BORCS6: variants seen among roughly 807,000 people sequenced by gnomAD.
The protein encoded by BORCS6 is BLOC-1 related complex subunit 6, also known as BLOC-1-related complex subunit 6.
A neutral mutation model predicts 17.0 loss-of-function variants in BORCS6; 12 were observed. That is an observed-to-expected ratio of 0.71 (90% CI 0.45 to 1.15). BORCS6 has a LOEUF of 1.15. Ranked by LOEUF, BORCS6 falls within the 50% of genes most tolerant of loss-of-function variation. The pLI is 0.00. For missense variants in BORCS6, 513 were observed against 515.0 expected (o/e 1.00, Z 0.04); for synonymous variants, 262 against 241.7 (o/e 1.08, Z -0.78).
Position 8,189,352 on chromosome 17 carries a change from A to G in BORCS6, c.789T>C (p.Asp263=). The change falls in exon 1 of 1, where the codon GAT becomes GAC. Residue 263 remains aspartate (D), a synonymous_variant. Coordinates refer to ENST00000389017, the MANE Select transcript of BORCS6 (RefSeq NM_017622.3). The surrounding 1 kb of genome is among the most constrained non-coding windows in gnomAD (Gnocchi z 7.8). ...IPPIDPEVLR[D]LERLSRELGG... Reference sequence around the variant, plus strand: ...CCAGCTCCCGACTCAACCGCTCCAGATCCCGCAGCACCTCGGGGTCGATTG... The same window carrying G: ...CCAGCTCCCGACTCAACCGCTCCAGGTCCCGCAGCACCTCGGGGTCGATTG... 6.2e-7 allele frequency: 1 copy of G among 1,611,376 alleles called. No homozygotes were observed.
rs1984591015 is a variant in BORCS6 at position 8,189,677 on chromosome 17, G to T, written c.464C>A (p.Ala155Asp). The T allele has an allele frequency of 1.9e-6, 3 of 1,598,442 alleles. No individual in the cohort carries two copies. Among genetic ancestry groups the T allele is most frequent in the Non-Finnish European group, 2.5e-6 (3 of 1,179,512 alleles). Reference protein sequence around the residue: ...NDEEAAAGSRAGRSFSSRLQD... With the variant: ...NDEEAAAGSRDGRSFSSRLQD... ...AAGACGGCTGGAGAACGAGCGGCCG[G>T]CTCTGCTGCCCGCGGCCGCCTCCTC... Residue 155 changes from alanine (A) to aspartate (D), a missense_variant, in exon 1 of 1, where the codon GCC (alanine) becomes GAC (aspartate). Coordinates refer to ENST00000389017, the MANE Select transcript of BORCS6 (RefSeq NM_017622.3). The surrounding 1 kb of genome is among the most constrained non-coding windows in gnomAD (Gnocchi z 7.8).
In BORCS6 at chr17:8,189,848, G is replaced by C; in HGVS notation, c.293C>G (p.Pro98Arg). ...CAGGGAAGGTTCGTGCTCTGCACCC[G>C]GCGCCCCCCTGCGGCTCCCGGCCCC... ...LSGAGSRRGA[P>R]GAEHEPSLSS... The change falls in exon 1 of 1, where the codon CCG (proline) becomes CGG (arginine). Residue 98 changes from proline (P) to arginine (R), a missense_variant. Coordinates refer to ENST00000389017, the MANE Select transcript of BORCS6 (RefSeq NM_017622.3). The surrounding 1 kb of genome is among the most constrained non-coding windows in gnomAD (Gnocchi z 7.8). The C allele has an allele frequency of 6.4e-7, 1 of 1,554,614 alleles. No individual in the cohort carries two copies. The highest frequency in any genetic ancestry group is 8.7e-7 in the Non-Finnish European group (1 of 1,151,650).
chr17:8,189,056 T>A lies in BORCS6; in HGVS notation c.*11A>T. ...TGCCCTGGCCAGGACCGGCCTCTCC[T>A]GTCCTCCTGGTCACTTGCACAGGGC... On this transcript the variant is annotated 3_prime_UTR_variant, in exon 1 of 1. Transcript: ENST00000389017. This position sits in a 1 kb window ranked among gnomAD's most constrained non-coding sequence, Gnocchi z 7.8. 1.2e-6 allele frequency: 2 copies of A among 1,614,054 alleles called. No individual in the cohort carries two copies. Among genetic ancestry groups the A allele is most frequent in the Non-Finnish European group, 1.7e-6 (2 of 1,180,000 alleles).
Position 8,189,466 on chromosome 17 carries a change from G to T in BORCS6, c.675C>A (p.Ile225=), listed in dbSNP as rs1182547062. Reference sequence around the variant, plus strand: ...GGGGTGGAGGCGCGCCGCTCAGACGGATCTTGAGTTGCAGGTTGTTGGCGA... The same window carrying T: ...GGGGTGGAGGCGCGCCGCTCAGACGTATCTTGAGTTGCAGGTTGTTGGCGA... ...HFVANNLQLK[I]RLSGAPPPPP... The change falls in exon 1 of 1, where the codon ATC becomes ATA. Residue 225 remains isoleucine, a synonymous_variant. Transcript: ENST00000389017. This position sits in a 1 kb window ranked among gnomAD's most constrained non-coding sequence, Gnocchi z 7.8. The T allele has an allele frequency of 1.9e-6, 3 of 1,571,908 alleles. No homozygotes were observed. In the African/African-American group the frequency reaches 4.1e-5, roughly 21 times the overall value.
In BORCS6 at chr17:8,189,408, G is replaced by A. The variant is rs1033631815; in HGVS notation, c.733C>T (p.Pro245Ser). 5.1e-6 allele frequency: 8 copies of A among 1,582,324 alleles called. No homozygotes were observed. In the Admixed American group the frequency reaches 7.4e-5, roughly 15 times the overall value. Residue 245 changes from proline (P) to serine (S), a missense_variant, in exon 1 of 1, where the codon CCT becomes TCT. Coordinates refer to ENST00000389017, the MANE Select transcript of BORCS6 (RefSeq NM_017622.3). The surrounding 1 kb of genome is among the most constrained non-coding windows in gnomAD (Gnocchi z 7.8). ...PSAPARPCPA[P>S]APTPTPAIPP... ...ATGGCCGGTGTGGGTGTGGGTGCAGGCGCTGGGCAGGGCCGCGCAGGGGCA... is the reference window on the plus strand; with the variant it reads ...ATGGCCGGTGTGGGTGTGGGTGCAGACGCTGGGCAGGGCCGCGCAGGGGCA...
At position 8,189,370 on chromosome 17, in the gene BORCS6, G is replaced by T; in HGVS notation, c.771C>A (p.Asp257Glu). 6.2e-7 allele frequency: 1 copy of T among 1,606,944 alleles called. No homozygotes were observed. The highest frequency in any genetic ancestry group is 8.5e-7 in the Non-Finnish European group (1 of 1,176,792). The change falls in exon 1 of 1, where the codon GAC becomes GAA. Residue 257 changes from aspartate (D) to glutamate (E), a missense_variant. Physicochemically the swap from Asp to Glu is conservative, Grantham distance 45. Coordinates refer to ENST00000389017, the MANE Select transcript of BORCS6 (RefSeq NM_017622.3). The surrounding 1 kb of genome is among the most constrained non-coding windows in gnomAD (Gnocchi z 7.8). ...PTPTPAIPPI[D>E]PEVLRDLERL... Reference sequence around the variant, plus strand: ...GCTCCAGATCCCGCAGCACCTCGGGGTCGATTGGGGGAATGGCCGGTGTGG... The same window carrying T: ...GCTCCAGATCCCGCAGCACCTCGGGTTCGATTGGGGGAATGGCCGGTGTGG...
Position 8,189,440 on chromosome 17 carries a change from G to C in BORCS6, c.701C>G (p.Pro234Arg). The C allele has an allele frequency of 1.3e-6, 2 of 1,567,952 alleles. No individual in the cohort carries two copies. The highest frequency in any genetic ancestry group is 8.6e-7 in the Non-Finnish European group (1 of 1,156,866). The change falls in exon 1 of 1, where the codon CCG (proline) becomes CGG (arginine). Residue 234 changes from proline (P) to arginine (R), a missense_variant. By Grantham distance (103) the Pro-to-Arg change is moderately radical. Transcript: ENST00000389017. This position sits in a 1 kb window ranked among gnomAD's most constrained non-coding sequence, Gnocchi z 7.8. ...GCAGGGCCGCGCAGGGGCAGAAGGC[G>C]GGGGTGGAGGCGCGCCGCTCAGACG... ...KIRLSGAPPP[P>R]PSAPARPCPA...
Position 8,189,630 on chromosome 17 carries a change from C to G in BORCS6, c.511G>C (p.Gly171Arg). 6.3e-7 allele frequency: 1 copy of G among 1,598,968 alleles called. No homozygotes were observed. Among genetic ancestry groups the G allele is most frequent in the Non-Finnish European group, 8.5e-7 (1 of 1,178,652 alleles). Residue 171 changes from glycine to arginine, a missense_variant, in exon 1 of 1, where the codon GGG (glycine) becomes CGG (arginine). Gly to Arg is a moderately radical substitution (Grantham distance 125, BLOSUM62 -2). Coordinates refer to ENST00000389017, the MANE Select transcript of BORCS6 (RefSeq NM_017622.3). The surrounding 1 kb of genome is among the most constrained non-coding windows in gnomAD (Gnocchi z 7.8). ...GCGCCACCGCACGCCTCGCTCAGCC[C>G]GTCCAGGCTGCGGCTGTCCTGAAGA... is the stretch of plus-strand genomic sequence containing the variant. ...SRLQDSRSLD[G>R]LSEACGGAGS...
Position 8,189,868 on chromosome 17 carries a change from G to A in BORCS6, c.273C>T (p.Ala91=). 2 of 1,547,436 alleles carry A rather than the reference G, an allele frequency of 1.3e-6. No homozygotes were observed. Among genetic ancestry groups the A allele is most frequent in the Non-Finnish European group, 1.7e-6 (2 of 1,147,060 alleles). Residue 91 remains alanine, a synonymous_variant, in exon 1 of 1, where the codon GCC becomes GCT. Transcript: ENST00000389017. This position sits in a 1 kb window ranked among gnomAD's most constrained non-coding sequence, Gnocchi z 7.8. ...CACCCGGCGCCCCCCTGCGGCTCCC[G>A]GCCCCAGACAGCGTCCCTTGAGGGC... The part of the protein sequence containing the change: ...EPGPQGTLSG[A]GSRRGAPGAE...
At position 8,189,788 on chromosome 17, in the gene BORCS6, C is replaced by A. The variant is rs769302085; in HGVS notation, c.353G>T (p.Gly118Val). 5 of 1,598,014 alleles carry A rather than the reference C, an allele frequency of 3.1e-6. No homozygotes were observed. The South Asian group carries it at 4.4e-5, about 14-fold the overall frequency. The change falls in exon 1 of 1, where the codon GGC becomes GTC. Residue 118 changes from glycine (G) to valine (V), a missense_variant. Physicochemically the swap from Gly to Val is moderately radical, Grantham distance 109. Coordinates refer to ENST00000389017, the MANE Select transcript of BORCS6 (RefSeq NM_017622.3). The surrounding 1 kb of genome is among the most constrained non-coding windows in gnomAD (Gnocchi z 7.8). The part of the protein sequence containing the change: ...SRHKNPAPPE[G>V]KPSSGRDCRR... ...GCAGTCCCTCCCGGAGGAGGGCTTG[C>A]CCTCGGGCGGCGCCGGGTTCTTGTG... is the stretch of plus-strand genomic sequence containing the variant.
Position 8,189,922 on chromosome 17 carries a change from C to A in BORCS6, c.219G>T (p.Pro73=), listed in dbSNP as rs183207665. Residue 73 remains proline, a synonymous_variant, in exon 1 of 1, where the codon CCG becomes CCT. Coordinates refer to ENST00000389017, the MANE Select transcript of BORCS6 (RefSeq NM_017622.3). This position sits in a 1 kb window ranked among gnomAD's most constrained non-coding sequence, Gnocchi z 7.8. ...GCTCGTTCTCCAGAGCCTCCCGTTC[C>A]GGCCGGTGGACGACGCCGCAGCTTG... The part of the protein sequence containing the change: ...KTSSCGVVHR[P]EREALENEPG... 2 of 1,548,776 alleles carry A rather than the reference C, an allele frequency of 1.3e-6. No homozygotes were observed. The highest frequency in any genetic ancestry group is 4.9e-5 in the East Asian group (2 of 40,878).
In BORCS6 at chr17:8,190,100, A is replaced by G. The variant is rs1409250669; in HGVS notation, c.41T>C (p.Leu14Pro). The G allele has an allele frequency of 6.5e-7, 1 of 1,550,146 alleles. No homozygotes were observed. The highest frequency in any genetic ancestry group is 2.0e-5 in the Admixed American group (1 of 50,974). Reference sequence around the variant, plus strand: ...GGCCTGATGTTCCGCTACAGCCAGAAGGTCCGTCTCGGGCCCGGGCCGCCC... The same window carrying G: ...GGCCTGATGTTCCGCTACAGCCAGAGGGTCCGTCTCGGGCCCGGGCCGCCC... ...SRGRPGPETD[L>P]LAVAEHQALV... is the part of the protein sequence containing the mutation. The change falls in exon 1 of 1, where the codon CTT (leucine) becomes CCT (proline). Residue 14 changes from leucine (L) to proline (P), a missense_variant. Coordinates refer to ENST00000389017, the MANE Select transcript of BORCS6 (RefSeq NM_017622.3).
At position 8,189,739 on chromosome 17, in the gene BORCS6, C is replaced by T; in HGVS notation, c.402G>A (p.Gly134=). ...CCTCCTCCTGCTGCTCAACATCCAT[C>T]CCGCCGCCTGGTCCCCCTCGACGGC... ...RDCRRGGPGG[G]MDVEQQEEED... is the part of the protein sequence containing the mutation. The change falls in exon 1 of 1, where the codon GGG becomes GGA. Residue 134 remains glycine, a synonymous_variant. Transcript: ENST00000389017. The surrounding 1 kb of genome is among the most constrained non-coding windows in gnomAD (Gnocchi z 7.8). The T allele has an allele frequency of 2.5e-6, 4 of 1,599,698 alleles. No homozygotes were observed. Among genetic ancestry groups the T allele is most frequent in the Non-Finnish European group, 2.5e-6 (3 of 1,179,660 alleles).
chr17:8,189,165 C>G lies in BORCS6; in HGVS notation c.976G>C (p.Glu326Gln). The G allele has an allele frequency of 6.2e-7, 1 of 1,614,126 alleles. No individual in the cohort carries two copies. The highest frequency in any genetic ancestry group is 8.5e-7 in the Non-Finnish European group (1 of 1,180,032). The change falls in exon 1 of 1, where the codon GAG (glutamate) becomes CAG (glutamine). Residue 326 changes from glutamate (E) to glutamine (Q), a missense_variant. Transcript: ENST00000389017. This position sits in a 1 kb window ranked among gnomAD's most constrained non-coding sequence, Gnocchi z 7.8. ...GGCTGCAGAGCCCGCTCCAGCTCCT[C>G]GCAGCGCGCCAGCAGGGTGTACATG... ...KGMYTLLARCEELERALQPVQ... is the reference protein window; with the variant it reads ...KGMYTLLARCQELERALQPVQ...
Position 8,189,183 on chromosome 17 carries a change from T to A in BORCS6, c.958A>T (p.Thr320Ser), listed in dbSNP as rs1315815369. 6.2e-7 allele frequency: 1 copy of A among 1,613,920 alleles called. No homozygotes were observed. Among genetic ancestry groups the A allele is most frequent in the Non-Finnish European group, 8.5e-7 (1 of 1,180,028 alleles). Residue 320 changes from threonine (T) to serine (S), a missense_variant, in exon 1 of 1, where the codon ACC becomes TCC. By Grantham distance (58) the Thr-to-Ser change is moderately conservative (BLOSUM62 1). Transcript: ENST00000389017. This position sits in a 1 kb window ranked among gnomAD's most constrained non-coding sequence, Gnocchi z 7.8. ...AGCTCCTCGCAGCGCGCCAGCAGGG[T>A]GTACATGCCCTTGATGCTCATGTCC... Reference protein sequence around the residue: ...AVDMSIKGMYTLLARCEELER... With the variant: ...AVDMSIKGMYSLLARCEELER...
Position 8,189,484 on chromosome 17 carries a change from G to C in BORCS6, c.657C>G (p.Asn219Lys), listed in dbSNP as rs1178333347. The C allele has an allele frequency of 6.4e-7, 1 of 1,573,806 alleles. No individual in the cohort carries two copies. The highest frequency in any genetic ancestry group is 1.7e-4 in the Middle Eastern group (1 of 5,978). ...RHGDLTHFVANNLQLKIRLSG... is the reference protein window; with the variant it reads ...RHGDLTHFVAKNLQLKIRLSG... ...TCAGACGGATCTTGAGTTGCAGGTT[G>C]TTGGCGACAAAGTGGGTAAGGTCGC... The change falls in exon 1 of 1, where the codon AAC (asparagine) becomes AAG (lysine). Residue 219 changes from asparagine to lysine, a missense_variant. Asn to Lys is a moderately conservative substitution (Grantham distance 94, BLOSUM62 0). Coordinates refer to ENST00000389017, the MANE Select transcript of BORCS6 (RefSeq NM_017622.3). This position sits in a 1 kb window ranked among gnomAD's most constrained non-coding sequence, Gnocchi z 7.8.
rs746637065 is a variant in BORCS6, at chr17:8,189,036, T to C, written c.*31A>G. On this transcript the variant is annotated 3_prime_UTR_variant, in exon 1 of 1. Coordinates refer to ENST00000389017, the MANE Select transcript of BORCS6 (RefSeq NM_017622.3). The surrounding 1 kb of genome is among the most constrained non-coding windows in gnomAD (Gnocchi z 7.8). Reference sequence around the variant, plus strand: ...CTTAGGGTCCTGCTGGGCCCTGCCCTGGCCAGGACCGGCCTCTCCTGTCCT... The same window carrying C: ...CTTAGGGTCCTGCTGGGCCCTGCCCCGGCCAGGACCGGCCTCTCCTGTCCT... The C allele has an allele frequency of 1.9e-6, 3 of 1,613,552 alleles. No homozygotes were observed. The Admixed American group carries it at 5.0e-5, about 27-fold the overall frequency.
Position 8,190,062 on chromosome 17 carries a change from C to T in BORCS6, c.79G>A (p.Gly27Ser). 2.6e-6 allele frequency: 4 copies of T among 1,550,304 alleles called. No individual in the cohort carries two copies. Among genetic ancestry groups the T allele is most frequent in the Non-Finnish European group, 3.5e-6 (4 of 1,146,850 alleles). The change falls in exon 1 of 1, where the codon GGC (glycine) becomes AGC (serine). Residue 27 changes from glycine to serine, a missense_variant. Physicochemically the swap from Gly to Ser is moderately conservative, Grantham distance 56. Transcript: ENST00000389017. Reference protein sequence around the residue: ...VAEHQALVFGGGPGRTSSEPP... With the variant: ...VAEHQALVFGSGPGRTSSEPP... ...TCAGAGGACGTTCGGCCCGGCCCGCCGCCAAAGACTAGGGCCTGATGTTCC... is the reference window on the plus strand; with the variant it reads ...TCAGAGGACGTTCGGCCCGGCCCGCTGCCAAAGACTAGGGCCTGATGTTCC...
In BORCS6 at chr17:8,188,662, C is replaced by A; in HGVS notation, c.*405G>T. On this transcript the variant is annotated 3_prime_UTR_variant, in exon 1 of 1. Coordinates refer to ENST00000389017, the MANE Select transcript of BORCS6 (RefSeq NM_017622.3). Reference sequence around the variant, plus strand: ...CAGCCCCTGGCACCTGAGATGTGGCCACTGGAGTCAGGATAGCCACAGTGG... The same window carrying A: ...CAGCCCCTGGCACCTGAGATGTGGCAACTGGAGTCAGGATAGCCACAGTGG... 1 of 246,966 alleles carries A rather than the reference C, an allele frequency of 4.0e-6. No homozygotes were observed. The highest frequency in any genetic ancestry group is 4.4e-5 in the South Asian group (1 of 22,644). The allele number at this position is 246,966 out of a possible 1,614,324, so 15.3% of individuals were successfully genotyped here. A position where few individuals can be genotyped will look rare whatever the true frequency, so the allele number is the denominator to read the frequency against.
Sources: allele counts gnomAD v4.1 joint callset, GRCh38; gene constraint gnomAD v4.1.1; non-coding constraint Gnocchi (gnomAD v3.1); transcripts MANE v1.5; gene names NCBI Gene and HGNC (gene_info 2026-07-23, HGNC 2026-07-21).